The following FZD3 variants were observed in gnomAD, a reference collection of about 807,000 sequenced individuals.
The protein encoded by FZD3 is frizzled-3.
Under a neutral mutation model 60.7 loss-of-function variants are expected in FZD3, and 30 were observed. The ratio of observed to expected loss-of-function variants is 0.49; its 90% CI spans 0.37 to 0.67. The LOEUF (loss-of-function observed/expected upper bound fraction) is 0.67. Ranked by LOEUF, FZD3 falls within the 30% of genes least tolerant of loss-of-function variation. The probability of loss-of-function intolerance (pLI) is 0.00; values close to 1 mark genes in which losing one functional copy is unlikely to be tolerated. For synonymous variants in FZD3, 246 were observed against 275.2 expected (o/e 0.89, Z 1.05); for missense variants, 605 against 838.7 (o/e 0.72, Z 3.44).
At chr8:28,552,783 A>T (rs1220677467) in intron 6 of FZD3, among the ~76,000 whole-genome samples, 2 of 152,224 alleles carry the variant, frequency 1.3e-5, no homozygotes, top group Non-Finnish European at 2.9e-5. Flanking sequence ...TTAACATCAC[A>T]GTTTAATATA....
intron 1 of FZD3, among the ~76,000 whole-genome samples, chr8:28,496,116 A>C (rs1200252753): frequency 6.6e-6 from 1 of 152,206 alleles, no homozygotes; most frequent in African/African-American, 2.4e-5. Context: ...AGATATTTGA[A>C]GTAGAGAGGG....
At position 28,572,033 on chromosome 8, in the gene FZD3, A is replaced by G. The variant is rs962073961; in HGVS notation, c.*9022A>G. The G allele has an allele frequency of 6.6e-6, 1 of 152,068 alleles. No homozygotes were observed. Among genetic ancestry groups the G allele is most frequent in the Non-Finnish European group, 1.5e-5 (1 of 67,998 alleles). The allele number at this position is 152,068 out of a possible 1,614,324, so 9.4% of individuals were successfully genotyped here. On this transcript the variant is annotated 3_prime_UTR_variant, in exon 8 of 8. Coordinates refer to ENST00000240093, the MANE Select transcript of FZD3 (RefSeq NM_017412.4). ...GATACCCAAGATTCATATTTATTTA[A>G]TGTGAGGTGTTTTTTGAGGCTTTTT...
chr8:28,556,316 T>C (rs985896544), intron 7 of FZD3, among the ~76,000 whole-genome samples: 2 of 152,216 alleles, frequency 1.3e-5, no homozygotes, highest in African/African-American at 4.8e-5. Flanking sequence ...GGCATGATCT[T>C]TGCTCTTGGT....
intron 1 of FZD3, among the ~76,000 whole-genome samples, chr8:28,498,504 G>C (rs1017600296): frequency 6.6e-6 from 1 of 152,118 alleles, no homozygotes; most frequent in Non-Finnish European, 1.5e-5. Flanking sequence ...TCACATAATT[G>C]TGATTAGAAG....
Position 28,573,975 on chromosome 8 carries a change from A to G in FZD3, c.*10964A>G, listed in dbSNP as rs1300556841. 1 of 152,052 alleles carries G rather than the reference A, an allele frequency of 6.6e-6. No homozygotes were observed. Among genetic ancestry groups the G allele is most frequent in the African/African-American group, 2.4e-5 (1 of 41,410 alleles). The allele number at this position is 152,052 out of a possible 1,614,324, so 9.4% of individuals were successfully genotyped here. On this transcript the variant is annotated 3_prime_UTR_variant, in exon 8 of 8. Transcript: ENST00000240093. ...TTAGTTCTTCATGTTTCTTTTTTAT[A>G]TGTTTATTAAAATTGTTCACTTCCA...
intron 7 of FZD3, among the ~76,000 whole-genome samples, chr8:28,557,916 T>A (rs889749101): frequency 2.6e-5 from 4 of 152,194 alleles, no homozygotes; most frequent in African/African-American, 9.6e-5. Context: ...TGCATTGGGA[T>A]CTCAGAGAAG....
At chr8:28,504,548 T>C (rs1804086982) in intron 3 of FZD3, among the ~76,000 whole-genome samples, 1 of 152,252 alleles carries the variant, frequency 6.6e-6, no homozygotes, top group Non-Finnish European at 1.5e-5. Context: ...GTTCAACTTT[T>C]GGCTCTGCCA....
At chr8:28,517,858 TTTTTTTA>T (rs1190366834) in intron 3 of FZD3, among the ~76,000 whole-genome samples, 1 of 152,114 alleles carries the variant, frequency 6.6e-6, no homozygotes, top group Non-Finnish European at 1.5e-5. Context: ...GATCACCACA[TTTTTTTA>T]TTTTTTATTT....
intron 5 of FZD3, among the ~76,000 whole-genome samples, chr8:28,534,381 C>T (rs1804957310): frequency 6.6e-6 from 1 of 152,112 alleles, no homozygotes; most frequent in Non-Finnish European, 1.5e-5. Context: ...GGTAAGACCC[C>T]ATTTCTACAA....
chr8:28,523,576 C>T (rs909415851), intron 4 of FZD3, among the ~76,000 whole-genome samples: 2 of 150,588 alleles, frequency 1.3e-5, no homozygotes, highest in Admixed American at 6.6e-5. Flanking sequence ...ATTACATGGG[C>T]GTACCACCAT....
At chr8:28,535,864 A>T (rs1448719587) in intron 5 of FZD3, among the ~76,000 whole-genome samples, 1 of 152,158 alleles carries the variant, frequency 6.6e-6, no homozygotes, top group African/African-American at 2.4e-5. Context: ...GTATCCTGTG[A>T]AAGTTACAGT....
intron 3 of FZD3, among the ~76,000 whole-genome samples, chr8:28,507,754 T>C (rs1336562327): frequency 6.6e-6 from 1 of 151,736 alleles, no homozygotes. Context: ...GGTTTTTGTT[T>C]TTTTTTTGGT....
intron 5 of FZD3, among the ~76,000 whole-genome samples, chr8:28,537,832 A>G (rs184355332): frequency 1.2e-4 from 19 of 152,282 alleles, no homozygotes; most frequent in Admixed American, 2.6e-4. Flanking sequence ...CATATTTAAT[A>G]TAGGCCAGGC....
rs377431638 is a variant in FZD3, at chr8:28,527,424, T to C, written c.664T>C (p.Leu222=). The change falls in exon 5 of 8, where the codon TTA becomes CTA. Residue 222 remains leucine (L), a synonymous_variant. Coordinates refer to ENST00000240093, the MANE Select transcript of FZD3 (RefSeq NM_017412.4). The surrounding 1 kb of genome is among the most constrained non-coding windows in gnomAD (Gnocchi z 5.0). ...ICLSATLFTF[L]TFLIDVTRFR... Reference sequence around the variant, plus strand: ...CCTCTCGGCCACATTGTTTACTTTTTTAACTTTTTTGATTGATGTCACAAG... The same window carrying C: ...CCTCTCGGCCACATTGTTTACTTTTCTAACTTTTTTGATTGATGTCACAAG... 1.6e-4 allele frequency: 265 copies of C among 1,614,004 alleles called. 4 individuals are homozygous for C. In the South Asian group the frequency reaches 2.9e-3, roughly 18 times the overall value.
Position 28,563,595 on chromosome 8 carries a change from C to T in FZD3, c.*584C>T, listed in dbSNP as rs1805654624. ...ATTTGATTAGTCTATGAAAGGTTCT[C>T]TTAAAATTCTATCGAAATAATCTTC... is the stretch of plus-strand genomic sequence containing the variant. On this transcript the variant is annotated 3_prime_UTR_variant, in exon 8 of 8. Coordinates refer to ENST00000240093, the MANE Select transcript of FZD3 (RefSeq NM_017412.4). 1 of 152,534 alleles carries T rather than the reference C, an allele frequency of 6.6e-6. No individual in the cohort carries two copies. Among genetic ancestry groups the T allele is most frequent in the Non-Finnish European group, 1.5e-5 (1 of 68,308 alleles). The allele number at this position is 152,534 out of a possible 1,614,324, so 9.4% of individuals were successfully genotyped here. A position where few individuals can be genotyped will look rare whatever the true frequency, so the allele number is the denominator to read the frequency against.
intron 5 of FZD3, among the ~76,000 whole-genome samples, chr8:28,545,527 G>A (rs1291946214): frequency 6.6e-6 from 1 of 152,164 alleles, no homozygotes; most frequent in Admixed American, 6.5e-5. Flanking sequence ...TTCTCAGTCA[G>A]CTCCCGTCTT....
At position 28,527,143 on chromosome 8, in the gene FZD3, T is replaced by G; in HGVS notation, c.387-4T>G. 6.3e-7 allele frequency: 1 copy of G among 1,593,510 alleles called. No individual in the cohort carries two copies. The highest frequency in any genetic ancestry group is 8.5e-7 in the Non-Finnish European group (1 of 1,172,596). On this transcript the variant is annotated splice_region_variant and splice_polypyrimidine_tract_variant and intron_variant, in intron 4 of 7. Coordinates refer to ENST00000240093, the MANE Select transcript of FZD3 (RefSeq NM_017412.4). This position sits in a 1 kb window ranked among gnomAD's most constrained non-coding sequence, Gnocchi z 5.0. ...AATAGTTCTCATCTTGTTTTGTTTT[T>G]TAGGTTCCCAGATTGTGATGAGCCA...
rs986799940 is a variant in FZD3 at position 28,562,685 on chromosome 8, A to G, written c.1788-113A>G. ...ATCAAAAGTTGGTTATTACTTTCTC[A>G]TGGTTGGTTTCCTAATAATTTCCCT... On this transcript the variant is annotated intron_variant, in intron 7 of 7. Coordinates refer to ENST00000240093, the MANE Select transcript of FZD3 (RefSeq NM_017412.4). 28 of 677,940 alleles carry G rather than the reference A, an allele frequency of 4.1e-5. No individual in the cohort carries two copies. In the African/African-American group the frequency reaches 4.5e-4, roughly 11 times the overall value. 42.0% of individuals were successfully genotyped at this position (677,940 alleles called of 1,614,324 possible).
intron 3 of FZD3, 53 bp downstream of exon 3, chr8:28,503,255 C>A: frequency 9.5e-7 from 1 of 1,052,096 alleles, no homozygotes; most frequent in Non-Finnish European, 1.4e-6. Context: ...CTTGTGTTGT[C>A]CCATCAGCCA....
Sources: allele counts gnomAD v4.1 joint callset (sites outside exome capture counted in the v4.1 genomes callset), GRCh38; gene constraint gnomAD v4.1.1; non-coding constraint Gnocchi (gnomAD v3.1); transcripts MANE v1.5; gene names NCBI Gene and HGNC (gene_info 2026-07-23, HGNC 2026-07-21).